PTPN3: variants seen among roughly 807,000 people sequenced by gnomAD.
The protein encoded by PTPN3 is tyrosine-protein phosphatase non-receptor type 3.
PTPN3 carries 96 observed loss-of-function variants against 132.7 expected under a neutral mutation model. The ratio of observed to expected loss-of-function variants is 0.72; its 90% CI spans 0.61 to 0.86. PTPN3 has a LOEUF of 0.86. Ranked by LOEUF, PTPN3 falls within the 40% of genes least tolerant of loss-of-function variation. The pLI is 0.00. For missense variants in PTPN3, 1,125 were observed against 1,159.6 expected (o/e 0.97, Z 0.43); for synonymous variants, 398 against 429.0 (o/e 0.93, Z 0.89).
At chr9:109,534,243 A>T in the PTPN3 span, 2 of 1,482,154 alleles carry the variant, frequency 1.3e-6, no homozygotes, top group African/African-American at 2.8e-5. Flanking sequence ...CGCTGCCCGT[A>T]GTGCCGGGCG....
the PTPN3 span, among the ~76,000 whole-genome samples, chr9:109,504,332 G>A: frequency 6.6e-6 from 1 of 152,202 alleles, no homozygotes; most frequent in African/African-American, 2.4e-5. Context: ...CAGCCTTTCA[G>A]TCTCAGCTGG....
At chr9:109,419,373 A>G (rs902162818) in intron 14 of PTPN3, among the ~76,000 whole-genome samples, 3 of 152,198 alleles carry the variant, frequency 2.0e-5, no homozygotes, top group Non-Finnish European at 2.9e-5. Context: ...TAAAAAATTT[A>G]CAGATTAACT....
At chr9:109,533,538 C>T in the PTPN3 span, 3 of 1,600,574 alleles carry the variant, frequency 1.9e-6, no homozygotes, top group Non-Finnish European at 2.6e-6. Context: ...CGTTGATTTT[C>T]TTTATCCTCT....
At chr9:109,448,960 GATACATAAAAATA>G in intron 5 of PTPN3, 105 bp from the exon 6 acceptor site, 1 of 1,510,378 alleles carries the variant, frequency 6.6e-7, no homozygotes, top group Non-Finnish European at 8.8e-7. Flanking sequence ...ACATGTGAAA[GATACATAAAAATA>G]CGGTTTTGGT....
chr9:109,412,195 C>T (rs2131779689), intron 14 of PTPN3, among the ~76,000 whole-genome samples: 1 of 152,128 alleles, frequency 6.6e-6, no homozygotes, highest in South Asian at 2.1e-4. Context: ...CTCTCCCTCC[C>T]TGCACCCCCC....
chr9:109,417,758 CT>C, intron 14 of PTPN3: 1 of 985,312 alleles, frequency 1.0e-6, no homozygotes, highest in Non-Finnish European at 1.2e-6. Context: ...ACTTGACCCC[CT>C]GACATGTCTA....
At chr9:109,444,472 C>T (rs554734543) in intron 7 of PTPN3, among the ~76,000 whole-genome samples, 2 of 152,184 alleles carry the variant, frequency 1.3e-5, no homozygotes, top group African/African-American at 2.4e-5. Flanking sequence ...TAGCGACGTG[C>T]GGTTAGTCCA....
intron 1 of PTPN3, among the ~76,000 whole-genome samples, chr9:109,471,795 C>T (rs889374655): frequency 1.3e-5 from 2 of 152,014 alleles, no homozygotes; most frequent in Non-Finnish European, 2.9e-5. Flanking sequence ...TGTATACCAA[C>T]GCACCCAGCT....
At chr9:109,403,373 T>C (rs1353896190) in intron 19 of PTPN3, among the ~76,000 whole-genome samples, 4 of 152,366 alleles carry the variant, frequency 2.6e-5, no homozygotes, top group Non-Finnish European at 5.9e-5. Flanking sequence ...TAATAAATAA[T>C]GCATTGTTGA....
At chr9:109,488,092 AC>A (rs1445114637) in intron 1 of PTPN3, among the ~76,000 whole-genome samples, 1 of 138,386 alleles carries the variant, frequency 7.2e-6, no homozygotes, top group Non-Finnish European at 1.6e-5. Context: ...GGAGGGAAGT[AC>A]TTTTTTTTTT....
At chr9:109,529,634 T>A in the PTPN3 span, among the ~76,000 whole-genome samples, 1 of 152,186 alleles carries the variant, frequency 6.6e-6, no homozygotes, top group Non-Finnish European at 1.5e-5. Flanking sequence ...TCTAATGAAT[T>A]AAAACTTTTT....
At chr9:109,416,114 G>A (rs1455020714) in intron 14 of PTPN3, among the ~76,000 whole-genome samples, 1 of 152,184 alleles carries the variant, frequency 6.6e-6, no homozygotes, top group Non-Finnish European at 1.5e-5. Context: ...GGTGATGGGT[G>A]GAAAGTGACT....
chr9:109,438,787 C>A (rs1844240438), intron 7 of PTPN3, among the ~76,000 whole-genome samples: 1 of 152,084 alleles, frequency 6.6e-6, no homozygotes, highest in African/African-American at 2.4e-5. Context: ...AGAAAGGGGA[C>A]CAGGATGTGC....
chr9:109,451,262 CCAG>C, intron 5 of PTPN3: 1 of 985,222 alleles, frequency 1.0e-6, no homozygotes, highest in Non-Finnish European at 1.2e-6. Context: ...TGGTGGCCCA[CCAG>C]CTCTATAAGA....
rs118121399 is a variant in PTPN3, at chr9:109,425,517, C to T, written c.1001+1433G>A. ...CCTGAGGTCAGGAGTTCGAGAGCAG[C>T]CTGCCCAATGTGGTGAAACCCTGTC... On this transcript the variant is annotated intron_variant, in intron 12 of 25. Coordinates refer to ENST00000374541, the MANE Select transcript of PTPN3 (RefSeq NM_002829.4). Among the ~76,000 whole-genome samples the T allele has an allele frequency of 2.6e-3, 382 of 145,096 alleles. 8 individuals carry two copies. In the East Asian group the frequency reaches 0.052, roughly 20 times the overall value.
chr9:109,523,116 C>CT, the PTPN3 span, among the ~76,000 whole-genome samples: 4,675 of 140,110 alleles, frequency 0.033, 94 homozygotes, highest in Middle Eastern at 0.067. Context: ...AAATTTATAT[C>CT]TTTTTTTTTT....
rs767893758 is a variant in PTPN3 at position 109,389,331 on chromosome 9, CCT to C, written c.2153_2154del (p.Gln718ArgfsTer93). On this transcript the variant is annotated frameshift_variant, in exon 22 of 26. Coordinates refer to ENST00000374541, the MANE Select transcript of PTPN3 (RefSeq NM_002829.4). LOFTEE classifies it high-confidence loss of function. Reference protein sequence around the residue: ...ANLVNKYIATQGPLPHTCAQF... With the variant: ...ANLVNKYIATXGPLPHTCAQF... ...TGTGCACAGGTATGCGGCAGGGGCC[CCT>C]GAGTGGCGATGTACTTGTTCACAAG... 2.5e-6 allele frequency: 4 copies of C among 1,613,954 alleles called. No homozygotes were observed. The highest frequency in any genetic ancestry group is 2.5e-6 in the Non-Finnish European group (3 of 1,179,990).
At chr9:109,416,859 CCA>C (rs1009312681) in intron 14 of PTPN3, among the ~76,000 whole-genome samples, 1 of 152,190 alleles carries the variant, frequency 6.6e-6, no homozygotes, top group African/African-American at 2.4e-5. Flanking sequence ...GAAGCCCCAT[CCA>C]CTCGGAGGGT....
chr9:109,385,119 C>T (rs1478444795), intron 22 of PTPN3, among the ~76,000 whole-genome samples: 2 of 152,180 alleles, frequency 1.3e-5, no homozygotes, highest in South Asian at 2.1e-4. Flanking sequence ...AATATCTGTA[C>T]TGCCAGAGAG....
Sources: gnomAD v4.1 joint callset for allele counts (sites outside exome capture counted in the v4.1 genomes callset) on GRCh38, gnomAD v4.1.1 for gene constraint, MANE v1.5 for transcripts, NCBI Gene and HGNC (gene_info 2026-07-23, HGNC 2026-07-21) for gene names.